Variants in PTPRU observed in about 807,000 individuals in gnomAD.
The protein encoded by PTPRU is receptor-type tyrosine-protein phosphatase U.
A neutral mutation model predicts 166.3 loss-of-function variants in PTPRU; 69 were observed. The ratio of observed to expected loss-of-function variants is 0.41; its 90% CI spans 0.34 to 0.51. The LOEUF is 0.51. PTPRU is among the 20% of genes least tolerant of loss of function. The pLI, the probability that PTPRU is intolerant of heterozygous loss-of-function variation, is 0.09. For missense variants in PTPRU, 1,657 were observed against 2,013.7 expected, an observed-to-expected ratio of 0.82 and a Z score of 3.39; for synonymous variants, 793 against 814.0, an observed-to-expected ratio of 0.97 and a Z score of 0.44.
rs1574690192 is a variant in PTPRU, at chr1:29,300,262, A to T, written c.2477-3593A>T. On this transcript the variant is annotated intron_variant, in intron 15 of 29. Coordinates refer to ENST00000373779, the MANE Select transcript of PTPRU (RefSeq NM_133178.4). ...TACATTGCACAGTGTTCTCCTGAGGATGTTTCATGAAACAAACAAGAAAAG... is the reference window on the plus strand; with the variant it reads ...TACATTGCACAGTGTTCTCCTGAGGTTGTTTCATGAAACAAACAAGAAAAG... 6.6e-5 allele frequency among the ~76,000 whole-genome samples: 10 copies of T among 152,230 alleles called. No individual in the cohort carries two copies. The South Asian group carries it at 2.1e-3, about 32-fold the overall frequency.
chr1:29,299,728 C>T (rs1032946823), intron 15 of PTPRU, among the ~76,000 whole-genome samples: 3 of 152,232 alleles, frequency 2.0e-5, no homozygotes, highest in African/African-American at 7.2e-5. Context: ...GGAGAGCTCT[C>T]TGTGGAGCTG....
At chr1:29,304,578 G>C (rs1303477806) in intron 16 of PTPRU, among the ~76,000 whole-genome samples, 196 bp from the exon 17 acceptor site, 1 of 151,866 alleles carries the variant, frequency 6.6e-6, no homozygotes, top group Non-Finnish European at 1.5e-5. Context: ...CCCCCCACAT[G>C]CCTTGGTTTT....
intron 28 of PTPRU, among the ~76,000 whole-genome samples, chr1:29,324,846 C>G (rs1248493192): frequency 6.6e-6 from 1 of 150,634 alleles, no homozygotes; most frequent in Non-Finnish European, 1.5e-5. Flanking sequence ...CTGCCCCTCA[C>G]CTTGGGCTCT....
chr1:29,252,020 C>T (rs1684564254), intron 1 of PTPRU, among the ~76,000 whole-genome samples: 1 of 152,204 alleles, frequency 6.6e-6, no homozygotes, highest in Non-Finnish European at 1.5e-5. Context: ...CCTCCAGGTA[C>T]AGATGGGGTT....
At chr1:29,243,108 A>G (rs1684130180) in intron 1 of PTPRU, among the ~76,000 whole-genome samples, 1 of 152,188 alleles carries the variant, frequency 6.6e-6, no homozygotes, top group South Asian at 2.1e-4. Flanking sequence ...TGTGTTAGCC[A>G]GGATGGTCTC....
intron 7 of PTPRU, among the ~76,000 whole-genome samples, chr1:29,266,682 A>G (rs1685319787): frequency 6.6e-6 from 1 of 152,200 alleles, no homozygotes; most frequent in African/African-American, 2.4e-5. Flanking sequence ...GATTTATTCA[A>G]CGAATGCTTA....
intron 15 of PTPRU, 60 bp downstream of exon 15, chr1:29,292,086 T>C (rs935888485): frequency 4.4e-6 from 7 of 1,590,580 alleles, no homozygotes; most frequent in Middle Eastern, 1.7e-4. Flanking sequence ...CCTGAGACAA[T>C]AGGGTCCCCA....
At chr1:29,293,544 C>T (rs1019675369) in intron 15 of PTPRU, among the ~76,000 whole-genome samples, 14 of 151,440 alleles carry the variant, frequency 9.2e-5, no homozygotes, top group African/African-American at 2.9e-4. Context: ...GCGCAATCTC[C>T]GCTCACTGCA....
At chr1:29,252,526 C>A (rs1684599192) in intron 1 of PTPRU, among the ~76,000 whole-genome samples, 1 of 152,098 alleles carries the variant, frequency 6.6e-6, no homozygotes, top group African/African-American at 2.4e-5. Flanking sequence ...CCTCGGCCTC[C>A]CAAAGTGTTG....
intron 7 of PTPRU, among the ~76,000 whole-genome samples, chr1:29,262,183 C>G (rs1685097000): frequency 6.6e-6 from 1 of 152,208 alleles, no homozygotes; most frequent in Admixed American, 6.5e-5. Context: ...CTTTCTTCCT[C>G]TACTCCCCAA....
Position 29,267,456 on chromosome 1 carries a change from C to G in PTPRU, c.1144+6553C>G, listed in dbSNP as rs79195255. 5.8e-3 allele frequency among the ~76,000 whole-genome samples: 880 copies of G among 152,148 alleles called. 10 individuals are homozygous for G. Among genetic ancestry groups the G allele is most frequent in the African/African-American group, 0.02 (835 of 41,480 alleles). ...CTGGAGGGTTGTTATTTTTAAAAGT[C>G]TCAAGGGAAGGTGACATTTGAGCAG... On this transcript the variant is annotated intron_variant, in intron 7 of 29. Transcript: ENST00000373779.
At chr1:29,239,735 A>G (rs1683954820) in intron 1 of PTPRU, among the ~76,000 whole-genome samples, 1 of 151,754 alleles carries the variant, frequency 6.6e-6, no homozygotes, top group African/African-American at 2.4e-5. Context: ...GCATCCTGGA[A>G]CGTCCTGTCT....
In PTPRU at chr1:29,237,498, C is replaced by T. The variant is rs1301984758; in HGVS notation, c.73+781C>T. 2.0e-5 allele frequency among the ~76,000 whole-genome samples: 3 copies of T among 151,744 alleles called. No homozygotes were observed. The highest frequency in any genetic ancestry group is 1.3e-4 in the Admixed American group (2 of 15,266). ...GCGAGTGTGGAGCGCGCCTGGGCCG[C>T]GGCTGCGAGTGTGCCCTGGTCCCGG... On this transcript the variant is annotated intron_variant, in intron 1 of 29. Coordinates refer to ENST00000373779, the MANE Select transcript of PTPRU (RefSeq NM_133178.4). The surrounding 1 kb of genome is among the most constrained non-coding windows in gnomAD (Gnocchi z 6.4).
Position 29,311,585 on chromosome 1 carries a change from A to C in PTPRU, c.2955+32A>C. 1 of 1,614,088 alleles carries C rather than the reference A, an allele frequency of 6.2e-7. No homozygotes were observed. The highest frequency in any genetic ancestry group is 1.7e-5 in the Admixed American group (1 of 60,030). On this transcript the variant is annotated intron_variant, in intron 20 of 29. Coordinates refer to ENST00000373779, the MANE Select transcript of PTPRU (RefSeq NM_133178.4). This position sits in a 1 kb window ranked among gnomAD's most constrained non-coding sequence, Gnocchi z 4.1. ...CGGGCTGTGGGGCGAGCTGGGGCGC[A>C]TGGCAGGCCAAGGGGGCAGCAAAGA...
chr1:29,304,953 G>A, intron 17 of PTPRU, 104 bp downstream of exon 17: 1 of 1,055,992 alleles, frequency 9.5e-7, no homozygotes, highest in Non-Finnish European at 1.4e-6. Flanking sequence ...GATGATAGTA[G>A]CATTGGCCAC....
intron 18 of PTPRU, among the ~76,000 whole-genome samples, chr1:29,305,823 A>C (rs1010491484): frequency 1.3e-5 from 2 of 152,118 alleles, no homozygotes; most frequent in Non-Finnish European, 2.9e-5. Flanking sequence ...GCTTTTTCCT[A>C]GGGGCACCAG....
chr1:29,264,089 G>A (rs569380778), intron 7 of PTPRU, among the ~76,000 whole-genome samples: 9 of 152,012 alleles, frequency 5.9e-5, no homozygotes, highest in East Asian at 3.9e-4. Flanking sequence ...CACAAGAATC[G>A]CTTGAACCCG....
chr1:29,306,870 G>T (rs1687413971), intron 18 of PTPRU, among the ~76,000 whole-genome samples: 1 of 152,188 alleles, frequency 6.6e-6, no homozygotes, highest in Non-Finnish European at 1.5e-5. Flanking sequence ...GGCCCAGCCT[G>T]GAAGACTTGG....
In PTPRU at chr1:29,314,543, A is replaced by G. The variant is rs553360766; in HGVS notation, c.3228-829A>G. The stretch of plus-strand genomic sequence containing the variant: ...AGTTAGGGAGACAGCCACATAAACA[A>G]TGACCATGTAGCAGGAAGAGTGTTT... On this transcript the variant is annotated intron_variant, in intron 22 of 29. Coordinates refer to ENST00000373779, the MANE Select transcript of PTPRU (RefSeq NM_133178.4). Among the ~76,000 whole-genome samples, 156 of 152,084 alleles carry G rather than the reference A, an allele frequency of 1.0e-3. 1 individual carries two copies. The highest frequency in any genetic ancestry group is 1.1e-3 in the Non-Finnish European group (73 of 68,012).
Sources: gnomAD v4.1 joint callset for allele counts (sites outside exome capture counted in the v4.1 genomes callset) on GRCh38, gnomAD v4.1.1 for gene constraint, Gnocchi (gnomAD v3.1) non-coding constraint, MANE v1.5 for transcripts, NCBI Gene and HGNC (gene_info 2026-07-23, HGNC 2026-07-21) for gene names.